Variants in PTPRD observed in about 807,000 individuals in gnomAD.
PTPRD encodes protein tyrosine phosphatase receptor type D, also known as receptor-type tyrosine-protein phosphatase delta.
A neutral mutation model predicts 214.5 loss-of-function variants in PTPRD; 34 were observed. The observed-to-expected ratio is 0.16, with a 90% confidence interval of 0.12 to 0.21. PTPRD has a LOEUF of 0.21. Ranked by LOEUF, PTPRD falls within the 10% of genes least tolerant of loss-of-function variation. The pLI, the probability that PTPRD is intolerant of heterozygous loss-of-function variation, is 1.00. For missense variants in PTPRD, 2,545 were observed against 2,398.7 expected (o/e 1.06, Z -1.27); for synonymous variants, 1,128 against 845.7 (o/e 1.33, Z -5.79).
intron 3 of PTPRD, among the ~76,000 whole-genome samples, chr9:10,320,793 T>C (rs2096539613): frequency 6.6e-6 from 1 of 152,036 alleles, no homozygotes; most frequent in African/African-American, 2.4e-5. Flanking sequence ...AGTGGCATGA[T>C]CTTGGCTCAC....
intron 2 of PTPRD, among the ~76,000 whole-genome samples, chr9:10,445,712 G>T (rs2098793924): frequency 6.6e-6 from 1 of 151,914 alleles, no homozygotes. Flanking sequence ...AATTTGGGAA[G>T]CACTAACAAG....
At chr9:10,028,852 G>C (rs2096984705) in intron 4 of PTPRD, among the ~76,000 whole-genome samples, 1 of 152,180 alleles carries the variant, frequency 6.6e-6, no homozygotes. Flanking sequence ...AAGTAATGAG[G>C]ATTCAAATTC....
intron 12 of PTPRD, among the ~76,000 whole-genome samples, chr9:8,641,578 A>G (rs1465797323): frequency 7.4e-6 from 1 of 134,994 alleles, no homozygotes; most frequent in African/African-American, 3.9e-5. Context: ...AATGGAAAGT[A>G]GAGAAGCTAC....
In PTPRD at chr9:8,677,414, C is replaced by T. The variant is rs149117018; in HGVS notation, c.65-40570G>A. 5.4e-3 allele frequency among the ~76,000 whole-genome samples: 826 copies of T among 152,200 alleles called. 5 individuals carry two copies. The highest frequency in any genetic ancestry group is 8.4e-3 in the Non-Finnish European group (570 of 68,006). On this transcript the variant is annotated intron_variant, in intron 12 of 45. Transcript: ENST00000381196. ...GGCCATTATCCCAAGTGAACTAACA[C>T]GCAGGAATGGAAAACCAAACACCTC... is the stretch of plus-strand genomic sequence containing the variant.
At chr9:9,740,146 T>C (rs924748301) in intron 6 of PTPRD, among the ~76,000 whole-genome samples, 1 of 152,182 alleles carries the variant, frequency 6.6e-6, no homozygotes, top group Non-Finnish European at 1.5e-5. Flanking sequence ...ATAAATTACC[T>C]TAAATGTGTT....
chr9:8,562,472 T>C (rs1461219061), intron 14 of PTPRD, among the ~76,000 whole-genome samples: 1 of 152,146 alleles, frequency 6.6e-6, no homozygotes, highest in Non-Finnish European at 1.5e-5. Context: ...GGTCTCATTT[T>C]GTCATGCAGG....
chr9:9,548,174 T>C lies in PTPRD; in HGVS notation c.-237+26558A>G, dbSNP rs889890422. 9.2e-5 allele frequency among the ~76,000 whole-genome samples: 14 copies of C among 151,564 alleles called. No individual in the cohort carries two copies. In the South Asian group the frequency reaches 2.3e-3, roughly 25 times the overall value. On this transcript the variant is annotated intron_variant, in intron 8 of 45. Transcript: ENST00000381196. ...CAAGTTAAATGAAAATGATACTAGATAGAAAATTCATTCCAAGTGAAGGAA... is the reference window on the plus strand; with the variant it reads ...CAAGTTAAATGAAAATGATACTAGACAGAAAATTCATTCCAAGTGAAGGAA...
chr9:9,847,975 C>A (rs565567406), intron 5 of PTPRD, among the ~76,000 whole-genome samples: 1 of 152,112 alleles, frequency 6.6e-6, no homozygotes, highest in Non-Finnish European at 1.5e-5. Flanking sequence ...AAACGAAAAT[C>A]ACACAAAGGC....
chr9:9,364,915 G>A (rs991951119), intron 9 of PTPRD, among the ~76,000 whole-genome samples: 3 of 151,384 alleles, frequency 2.0e-5, no homozygotes, highest in African/African-American at 7.3e-5. Flanking sequence ...AAACCTAATG[G>A]TGGCTTAGAC....
At chr9:9,033,881 C>T (rs536937615) in intron 10 of PTPRD, among the ~76,000 whole-genome samples, 19 of 152,136 alleles carry the variant, frequency 1.2e-4, no homozygotes, top group Admixed American at 1.1e-3. Flanking sequence ...AACAATTCTC[C>T]CACCCGTAAT....
At chr9:8,839,787 G>C (rs548827968) in intron 11 of PTPRD, among the ~76,000 whole-genome samples, 1 of 134,476 alleles carries the variant, frequency 7.4e-6, no homozygotes, top group South Asian at 2.4e-4. Context: ...ATGGGAAGAA[G>C]GGAACAATGC....
In PTPRD at chr9:10,606,730, T is replaced by C. The variant is rs183072834; in HGVS notation, c.-600+5668A>G. Among the ~76,000 whole-genome samples, 426 of 151,908 alleles carry C rather than the reference T, an allele frequency of 2.8e-3. 5 individuals carry two copies. Among genetic ancestry groups the C allele is most frequent in the African/African-American group, 9.9e-3 (412 of 41,514 alleles). The stretch of plus-strand genomic sequence containing the variant: ...CGTATGTCATGTTACATGTGGGTAG[T>C]AGTAAAAAATGCATGTGAACACAAT... On this transcript the variant is annotated intron_variant, in intron 2 of 45. Coordinates refer to ENST00000381196, the MANE Select transcript of PTPRD (RefSeq NM_002839.4).
intron 2 of PTPRD, among the ~76,000 whole-genome samples, chr9:10,579,753 C>G (rs2071005690): frequency 6.6e-6 from 1 of 152,152 alleles, no homozygotes; most frequent in Admixed American, 6.5e-5. Context: ...CCCTTTTCTC[C>G]AAGACCTCAC....
chr9:9,969,698 C>G lies in PTPRD; in HGVS notation c.-471-31088G>C, dbSNP rs188649585. Among the ~76,000 whole-genome samples the G allele has an allele frequency of 4.6e-5, 7 of 152,348 alleles. No homozygotes were observed. The East Asian group carries it at 9.6e-4, about 21-fold the overall frequency. On this transcript the variant is annotated intron_variant, in intron 4 of 45. Coordinates refer to ENST00000381196, the MANE Select transcript of PTPRD (RefSeq NM_002839.4). ...CTTCTACTGCCCCTGGATGACTTCT[C>G]TGATCAACCTTGAATAGAAATAATT... is the stretch of plus-strand genomic sequence containing the variant.
chr9:10,609,480 A>C (rs1247819135), intron 2 of PTPRD, among the ~76,000 whole-genome samples: 1 of 152,102 alleles, frequency 6.6e-6, no homozygotes, highest in Non-Finnish European at 1.5e-5. Context: ...TAACCACAAT[A>C]ATTGTCATGT....
At chr9:10,282,763 T>A (rs1347751689) in intron 3 of PTPRD, among the ~76,000 whole-genome samples, 5 of 152,090 alleles carry the variant, frequency 3.3e-5, no homozygotes, top group Non-Finnish European at 7.4e-5. Context: ...TTTAGAACCA[T>A]CAGCTTCAAA....
intron 10 of PTPRD, among the ~76,000 whole-genome samples, chr9:9,145,535 T>C (rs2099867164): frequency 6.6e-6 from 1 of 152,084 alleles, no homozygotes; most frequent in South Asian, 2.1e-4. Context: ...TAAAAAGATA[T>C]AAACTAAACT....
intron 7 of PTPRD, among the ~76,000 whole-genome samples, chr9:9,580,123 C>T (rs1045324517): frequency 1.1e-4 from 17 of 152,078 alleles, no homozygotes; most frequent in African/African-American, 4.1e-4. Flanking sequence ...TGTTGATAGA[C>T]AGGTTATTTC....
Position 9,140,524 on chromosome 9 carries a change from G to A in PTPRD, c.-143+42780C>T, listed in dbSNP as rs1369899689. On this transcript the variant is annotated intron_variant, in intron 10 of 45. Coordinates refer to ENST00000381196, the MANE Select transcript of PTPRD (RefSeq NM_002839.4). ...ACATTCAGATGACAACCGGGACTCT[G>A]GACTCTTTCAAGACGCTGGGGATTG... 1.3e-5 allele frequency among the ~76,000 whole-genome samples: 2 copies of A among 152,208 alleles called. 1 individual carries two copies. The highest frequency in any genetic ancestry group is 4.1e-4 in the South Asian group (2 of 4,828).
Sources: allele counts gnomAD v4.1 joint callset (sites outside exome capture counted in the v4.1 genomes callset), GRCh38; gene constraint gnomAD v4.1.1; transcripts MANE v1.5; gene names NCBI Gene and HGNC (gene_info 2026-07-23, HGNC 2026-07-21).